MYO9B: variants seen among roughly 807,000 people sequenced by gnomAD.
The protein encoded by MYO9B is unconventional myosin-IXb.
A neutral mutation model predicts 229.5 loss-of-function variants in MYO9B; 71 were observed. That is an observed-to-expected ratio of 0.31 (90% confidence interval 0.26 to 0.38). MYO9B has a LOEUF of 0.38. MYO9B is among the 10% of genes least tolerant of loss of function. The pLI, the probability that MYO9B is intolerant of heterozygous loss-of-function variation, is 1.00. For missense variants in MYO9B, 2,255 were observed against 2,920.5 expected, an observed-to-expected ratio of 0.77 and a Z score of 5.25; for synonymous variants, 1,185 against 1,235.8, an observed-to-expected ratio of 0.96 and a Z score of 0.86.
At chr19:17,142,208 C>A (rs2072350401) in intron 2 of MYO9B, among the ~76,000 whole-genome samples, 1 of 151,280 alleles carries the variant, frequency 6.6e-6, no homozygotes, top group South Asian at 2.1e-4. Flanking sequence ...CAACCAGACA[C>A]AACAGGCCAT....
At chr19:17,095,369 T>A (rs1401520078) in intron 1 of MYO9B, 1 of 152,370 alleles carries the variant, frequency 6.6e-6, no homozygotes, top group South Asian at 2.1e-4. Flanking sequence ...CTATTCCCCC[T>A]CCCGGAGTCC....
At chr19:17,145,622 G>T (rs1035134946) in intron 3 of MYO9B, 131 bp downstream of exon 3, 31 of 813,122 alleles carry the variant, frequency 3.8e-5, no homozygotes, top group South Asian at 3.5e-4. Flanking sequence ...GAGAGCGAGT[G>T]TGATTTTTAG....
chr19:17,097,919 A>C (rs928197467), intron 1 of MYO9B, among the ~76,000 whole-genome samples: 83 of 152,170 alleles, frequency 5.5e-4, no homozygotes, highest in African/African-American at 2.0e-3. Flanking sequence ...ACAGACAATA[A>C]GGAAAGGAGT....
intron 1 of MYO9B, among the ~76,000 whole-genome samples, chr19:17,090,427 A>G (rs1172330597): frequency 2.0e-5 from 3 of 152,160 alleles, no homozygotes; most frequent in African/African-American, 7.2e-5. Context: ...CTGAGATTAG[A>G]GGCGTGAGCC....
In MYO9B at chr19:17,157,043, T is replaced by G; in HGVS notation, c.1329+5T>G. 6.2e-7 allele frequency: 1 copy of G among 1,612,762 alleles called. No homozygotes were observed. Among genetic ancestry groups the G allele is most frequent in the Middle Eastern group, 1.7e-4 (1 of 5,794 alleles). On this transcript the variant is annotated splice_donor_5th_base_variant and intron_variant, in intron 7 of 39. Coordinates refer to ENST00000682292, the MANE Select transcript of MYO9B (RefSeq NM_004145.4). ...ACCCTGTCGCAGCTTCTGAAGGTAC[T>G]GATTGCCACCTCTGTCCCTTCTCAG...
chr19:17,147,672 A>AT (rs1027030377), intron 3 of MYO9B, among the ~76,000 whole-genome samples: 1,955 of 81,248 alleles, frequency 0.024, 117 homozygotes, highest in Non-Finnish European at 0.026. Flanking sequence ...ACTATGTTTA[A>AT]TTTTTTTTTT....
chr19:17,178,652 C>T lies in MYO9B; in HGVS notation c.2220-2275C>T, dbSNP rs528274939. ...ATCAGTGCCAAAGTTTGCACCTCCG[C>T]GTGCGTGCTCAAGCCTAAGCCCACA... On this transcript the variant is annotated intron_variant, in intron 14 of 39. Transcript: ENST00000682292. Among the ~76,000 whole-genome samples, 226 of 152,246 alleles carry T rather than the reference C, an allele frequency of 1.5e-3. No homozygotes were observed. In the Middle Eastern group the frequency reaches 0.02, roughly 14 times the overall value.
intron 34 of MYO9B, 60 bp downstream of exon 34, chr19:17,206,844 A>G: frequency 7.1e-7 from 1 of 1,406,936 alleles, no homozygotes; most frequent in Admixed American, 2.0e-5. Context: ...CCCGCGAGGC[A>G]GCATTTCCCA....
intron 6 of MYO9B, 53 bp downstream of exon 6, chr19:17,154,468 A>G (rs1225933276): frequency 2.8e-6 from 4 of 1,409,136 alleles, no homozygotes; most frequent in East Asian, 2.3e-5. Flanking sequence ...GGGGGCACGC[A>G]TGGCCCTTAC....
At chr19:17,154,780 G>A (rs768219880) in intron 6 of MYO9B, among the ~76,000 whole-genome samples, 3 of 152,270 alleles carry the variant, frequency 2.0e-5, no homozygotes, top group African/African-American at 4.8e-5. Context: ...GGGCAGCATA[G>A]TGAGACCTCA....
At chr19:17,141,837 G>A (rs949358487) in intron 2 of MYO9B, among the ~76,000 whole-genome samples, 3 of 152,178 alleles carry the variant, frequency 2.0e-5, no homozygotes, top group Admixed American at 6.6e-5. Context: ...TTCCCTGTAT[G>A]TGTGGACTCC....
At chr19:17,170,337 A>G (rs1376607032) in intron 11 of MYO9B, among the ~76,000 whole-genome samples, 1 of 152,102 alleles carries the variant, frequency 6.6e-6, no homozygotes, top group Non-Finnish European at 1.5e-5. Context: ...GGGTTAAGAT[A>G]TGGACATATT....
intron 1 of MYO9B, among the ~76,000 whole-genome samples, chr19:17,086,502 G>A (rs1262030570): frequency 1.3e-5 from 2 of 152,210 alleles, no homozygotes; most frequent in Non-Finnish European, 2.9e-5. Context: ...TGGGGGCCGT[G>A]CTGTGCACTG....
intron 2 of MYO9B, among the ~76,000 whole-genome samples, chr19:17,130,513 G>A (rs1599353669): frequency 2.0e-5 from 3 of 152,044 alleles, no homozygotes; most frequent in Non-Finnish European, 1.5e-5. Flanking sequence ...CCAGCTACTC[G>A]GGAGGCTGAG....
At chr19:17,126,625 C>T (rs991061006) in intron 2 of MYO9B, among the ~76,000 whole-genome samples, 1 of 151,910 alleles carries the variant, frequency 6.6e-6, no homozygotes. Context: ...TTGAATTTCA[C>T]ATCAATTTCA....
intron 38 of MYO9B, 123 bp from the exon 39 acceptor site, chr19:17,211,524 T>G: frequency 1.1e-6 from 1 of 906,442 alleles, no homozygotes; most frequent in Non-Finnish European, 1.6e-6. Flanking sequence ...ATCCTCCTGC[T>G]TGGGGTGGGG....
chr19:17,212,638 G>T lies in MYO9B; in HGVS notation c.*328G>T. 1 of 339,128 alleles carries T rather than the reference G, an allele frequency of 2.9e-6. No homozygotes were observed. Among genetic ancestry groups the T allele is most frequent in the Non-Finnish European group, 5.3e-6 (1 of 187,446 alleles). 21.0% of individuals were successfully genotyped at this position (339,128 alleles called of 1,614,324 possible). A position where few individuals can be genotyped will look rare whatever the true frequency, so the allele number is the denominator to read the frequency against. ...GTTTACGTAACTTTAAACTGTAACA[G>T]CCTTAATGGAAGACCAAATGGTTTT... is the stretch of plus-strand genomic sequence containing the variant. On this transcript the variant is annotated 3_prime_UTR_variant, in exon 40 of 40. Coordinates refer to ENST00000682292, the MANE Select transcript of MYO9B (RefSeq NM_004145.4). This position sits in a 1 kb window ranked among gnomAD's most constrained non-coding sequence, Gnocchi z 5.4.
At chr19:17,075,925 T>G (rs2057477243) in intron 1 of MYO9B, 51 bp downstream of exon 1, 1 of 149,812 alleles carries the variant, frequency 6.7e-6, no homozygotes, top group South Asian at 2.0e-4. Flanking sequence ...AGCCTGCCTT[T>G]GGGGGCTGCG....
Position 17,193,038 on chromosome 19 carries a change from G to C in MYO9B, c.3104G>C (p.Cys1035Ser). The part of the protein sequence containing the change: ...KQSIIRLQSL[C>S]RGHLQRKSFS... ...AGCATCATCCGCCTGCAGAGCCTGT[G>C]TCGGGGGCACCTGCAGCGCAAGAGG... The change falls in exon 21 of 40, where the codon TGT becomes TCT. Residue 1035 changes from cysteine to serine, a missense_variant. This residue lies in a region of MYO9B where 679 missense variants were observed against 770.2 expected (regional missense o/e 0.88). Coordinates refer to ENST00000682292, the MANE Select transcript of MYO9B (RefSeq NM_004145.4). This position sits in a 1 kb window ranked among gnomAD's most constrained non-coding sequence, Gnocchi z 4.3. 1 of 1,470,660 alleles carries C rather than the reference G, an allele frequency of 6.8e-7. No individual in the cohort carries two copies. Among genetic ancestry groups the C allele is most frequent in the Non-Finnish European group, 9.0e-7 (1 of 1,108,944 alleles). The allele number at this position is 1,470,660 out of a possible 1,614,324, so 91.1% of individuals were successfully genotyped here.
Sources: allele counts gnomAD v4.1 joint callset (sites outside exome capture counted in the v4.1 genomes callset), GRCh38; gene constraint gnomAD v4.1.1; regional missense constraint gnomAD v4.1.1; non-coding constraint Gnocchi (gnomAD v3.1); transcripts MANE v1.5; gene names NCBI Gene and HGNC (gene_info 2026-07-23, HGNC 2026-07-21).